The following EPHA4 variants were observed in gnomAD, a reference collection of about 807,000 sequenced individuals.
EPHA4 encodes the protein EPH receptor A4.
EPHA4 carries 19 observed loss-of-function variants against 108.3 expected under a neutral mutation model. The observed-to-expected ratio is 0.18, with a 90% CI of 0.12 to 0.26. The LOEUF (loss-of-function observed/expected upper bound fraction) is 0.26, where lower values mean the gene tolerates loss of function less well. Among genes scored for constraint, EPHA4 ranks in the 10% least tolerant of loss-of-function variants. The pLI is 1.00. For synonymous variants in EPHA4, 449 were observed against 455.5 expected, an observed-to-expected ratio of 0.99 and a Z score of 0.18; for missense variants, 917 against 1,254.0, an observed-to-expected ratio of 0.73 and a Z score of 4.06.
At chr2:221,434,551 A>C (rs963658731) in intron 13 of EPHA4, among the ~76,000 whole-genome samples, 1 of 152,238 alleles carries the variant, frequency 6.6e-6, no homozygotes, top group Non-Finnish European at 1.5e-5. Flanking sequence ...TGCTTAAGGC[A>C]ATATTCTAGA....
chr2:221,548,691 A>C (rs1471486931), intron 3 of EPHA4, among the ~76,000 whole-genome samples: 1 of 152,130 alleles, frequency 6.6e-6, no homozygotes, highest in East Asian at 1.9e-4. Context: ...TAAGAAAGAG[A>C]GATGGCTAGC....
Position 221,536,920 on chromosome 2 carries a change from A to T in EPHA4, c.823+26811T>A, listed in dbSNP as rs1474336674. Among the ~76,000 whole-genome samples the T allele has an allele frequency of 3.3e-5, 5 of 152,242 alleles. No homozygotes were observed. The South Asian group carries it at 1.0e-3, about 32-fold the overall frequency. On this transcript the variant is annotated intron_variant, in intron 3 of 17. Coordinates refer to ENST00000281821, the MANE Select transcript of EPHA4 (RefSeq NM_004438.5). The stretch of plus-strand genomic sequence containing the variant: ...CACCAAGTCATGGTGACACAATGAA[A>T]TACTGAAAATAAAGTGCTTAGCACA...
chr2:221,486,576 A>T (rs539104070), intron 4 of EPHA4, among the ~76,000 whole-genome samples: 5 of 150,812 alleles, frequency 3.3e-5, no homozygotes, highest in East Asian at 2.0e-4. Context: ...AAAAATACAT[A>T]AAAAAAAATT....
chr2:221,562,663 T>C (rs1334035385), intron 3 of EPHA4, among the ~76,000 whole-genome samples: 1 of 152,208 alleles, frequency 6.6e-6, no homozygotes, highest in Non-Finnish European at 1.5e-5. Flanking sequence ...GTAGTAACCA[T>C]AATGGATTGG....
intron 5 of EPHA4, among the ~76,000 whole-genome samples, chr2:221,465,967 A>G (rs1381808488): frequency 2.0e-5 from 3 of 152,204 alleles, no homozygotes; most frequent in Non-Finnish European, 4.4e-5. Context: ...GTGGTTTTGC[A>G]GCTTCCTGAA....
chr2:221,482,817 C>T, intron 4 of EPHA4, 127 bp from the exon 5 acceptor site: 1 of 744,830 alleles, frequency 1.3e-6, no homozygotes, highest in Non-Finnish European at 2.1e-6. Flanking sequence ...AAGCAAAAAG[C>T]AAATCAAGCC....
chr2:221,445,738 C>T (rs2303896), intron 9 of EPHA4, among the ~76,000 whole-genome samples: 12,027 of 152,060 alleles, frequency 0.079, 628 homozygotes, highest in East Asian at 0.25. Flanking sequence ...TATAGCCATT[C>T]CCTGGGAAGT....
Position 221,566,938 on chromosome 2 carries a change from G to GGAAGAGGA in EPHA4, c.159+1779_159+1780insTCCTCTTC, listed in dbSNP as rs1559297299. ...GGAGAAGGAGAAGGAGAAGGAGAAG[G>GGAAGAGGA]AGAAGGAGAAGGAGAAGGGGAAGAG... On this transcript the variant is annotated intron_variant, in intron 2 of 17. Coordinates refer to ENST00000281821, the MANE Select transcript of EPHA4 (RefSeq NM_004438.5). Among the ~76,000 whole-genome samples the GGAAGAGGA allele has an allele frequency of 2.0e-3, 24 of 11,810 alleles. 8 individuals are homozygous for GGAAGAGGA. Among genetic ancestry groups the GGAAGAGGA allele is most frequent in the African/African-American group, 0.011 (23 of 2,054 alleles). 7.7% of individuals were successfully genotyped at this position (11,810 alleles called of 152,430 possible). A position where few individuals can be genotyped will look rare whatever the true frequency, so the allele number is the denominator to read the frequency against.
chr2:221,492,378 G>A (rs774742141), intron 4 of EPHA4, among the ~76,000 whole-genome samples: 1 of 152,120 alleles, frequency 6.6e-6, no homozygotes, highest in Non-Finnish European at 1.5e-5. Context: ...TTTTTAAAAA[G>A]AATTCAGTGA....
At chr2:221,490,526 G>C (rs967799552) in intron 4 of EPHA4, among the ~76,000 whole-genome samples, 2 of 152,334 alleles carry the variant, frequency 1.3e-5, no homozygotes, top group Non-Finnish European at 1.5e-5. Context: ...AAGCACTGCT[G>C]TCACCTCACT....
Position 221,418,029 on chromosome 2 carries a change from G to A in EPHA4, c.*3343C>T, listed in dbSNP as rs1297906938. On this transcript the variant is annotated 3_prime_UTR_variant, in exon 18 of 18. Transcript: ENST00000281821. ...AGTTATTGAAAGAGACAACCAGATT[G>A]CAGGGTTGTATACGGCAACTACTTT... 1 of 152,582 alleles carries A rather than the reference G, an allele frequency of 6.6e-6. No homozygotes were observed. Among genetic ancestry groups the A allele is most frequent in the Non-Finnish European group, 1.5e-5 (1 of 68,034 alleles). The allele number at this position is 152,582 out of a possible 1,614,324, so 9.5% of individuals were successfully genotyped here.
chr2:221,445,783 C>G (rs2303895), intron 9 of EPHA4, among the ~76,000 whole-genome samples: 52,609 of 151,662 alleles, frequency 0.35, 10,899 homozygotes, highest in African/African-American at 0.59. Flanking sequence ...TCTTTTCCTC[C>G]TCCTCAAATT....
chr2:221,474,081 C>T (rs771147288), intron 5 of EPHA4, among the ~76,000 whole-genome samples: 14 of 152,296 alleles, frequency 9.2e-5, no homozygotes, highest in Admixed American at 2.6e-4. Context: ...AAAATGCAAT[C>T]TAACTTTTGC....
chr2:221,486,949 G>A (rs527647989), intron 4 of EPHA4, among the ~76,000 whole-genome samples: 30 of 152,166 alleles, frequency 2.0e-4, no homozygotes, highest in African/African-American at 6.0e-4. Context: ...AGCCAAAGCT[G>A]TACTAGTCAA....
At chr2:221,470,162 C>T (rs1350137752) in intron 5 of EPHA4, among the ~76,000 whole-genome samples, 1 of 152,086 alleles carries the variant, frequency 6.6e-6, no homozygotes, top group East Asian at 1.9e-4. Context: ...TCAGAGGAAA[C>T]ATGGTGGTAA....
At chr2:221,519,821 T>C (rs112641474) in intron 3 of EPHA4, among the ~76,000 whole-genome samples, 2,490 of 152,234 alleles carry the variant, frequency 0.016, 28 homozygotes, top group Non-Finnish European at 0.022. Flanking sequence ...AATAACCAAA[T>C]CAGCCTTTCA....
intron 11 of EPHA4, among the ~76,000 whole-genome samples, chr2:221,438,244 A>C (rs2106101011): frequency 6.6e-6 from 1 of 152,266 alleles, no homozygotes; most frequent in South Asian, 2.1e-4. Context: ...GGTGTAAATA[A>C]GATTTTCACA....
At chr2:221,460,591 G>A (rs1168070495) in intron 5 of EPHA4, among the ~76,000 whole-genome samples, 1 of 152,192 alleles carries the variant, frequency 6.6e-6, no homozygotes, top group Non-Finnish European at 1.5e-5. Flanking sequence ...CTAGTAAGAA[G>A]GAGTTTGAGA....
In EPHA4 at chr2:221,437,757, C is replaced by CAAAAAAAAA. The variant is rs538233784; in HGVS notation, c.2075-644_2075-636dup. On this transcript the variant is annotated intron_variant, in intron 11 of 17. Coordinates refer to ENST00000281821, the MANE Select transcript of EPHA4 (RefSeq NM_004438.5). ...TGAAACCCCGTTTCTACTAAAAATACAAAAAAAAAAAAAAAATTTGCCAAG... is the reference window on the plus strand; with the variant it reads ...TGAAACCCCGTTTCTACTAAAAATACAAAAAAAAAAAAAAAAAAAAAAAAATTTGCCAAG... 2.1e-3 allele frequency among the ~76,000 whole-genome samples: 266 copies of CAAAAAAAAA among 125,866 alleles called. 4 individuals carry two copies. Among genetic ancestry groups the CAAAAAAAAA allele is most frequent in the African/African-American group, 6.8e-3 (231 of 34,022 alleles). The allele number at this position is 125,866 out of a possible 152,430, so 82.6% of individuals were successfully genotyped here.
Sources: gnomAD v4.1 joint callset for allele counts (sites outside exome capture counted in the v4.1 genomes callset) on GRCh38, gnomAD v4.1.1 for gene constraint, MANE v1.5 for transcripts, NCBI Gene and HGNC (gene_info 2026-07-23, HGNC 2026-07-21) for gene names.